PATJ: variants seen among roughly 807,000 people sequenced by gnomAD.
PATJ encodes the protein inaD-like protein.
Under a neutral mutation model 224.9 loss-of-function variants are expected in PATJ, and 190 were observed. That is an observed-to-expected ratio of 0.84 (90% CI 0.75 to 0.95). PATJ has a LOEUF of 0.95. PATJ is among the 40% of genes least tolerant of loss of function. The pLI, the probability that PATJ is intolerant of heterozygous loss-of-function variation, is 0.00. For synonymous variants in PATJ, 769 were observed against 820.3 expected, an observed-to-expected ratio of 0.94 and a Z score of 1.07; for missense variants, 2,121 against 2,270.3, an observed-to-expected ratio of 0.93 and a Z score of 1.34.
chr1:61,838,521 A>ATTTT (rs34877280), intron 17 of PATJ, among the ~76,000 whole-genome samples: 2 of 115,554 alleles, frequency 1.7e-5, no homozygotes, highest in Non-Finnish European at 3.5e-5. Flanking sequence ...CGCCTGGCTA[A>ATTTT]TTTTTTTTTT....
At chr1:61,852,244 A>C (rs1485598965) in intron 17 of PATJ, among the ~76,000 whole-genome samples, 1 of 152,188 alleles carries the variant, frequency 6.6e-6, no homozygotes, top group East Asian at 1.9e-4. Flanking sequence ...AAAGAGGAAA[A>C]AAATTCCTTC....
chr1:62,042,657 TAA>T (rs1255921260), intron 30 of PATJ, among the ~76,000 whole-genome samples: 1 of 152,120 alleles, frequency 6.6e-6, no homozygotes, highest in Admixed American at 6.5e-5. Context: ...GCTATTTTTT[TAA>T]AAAAAAAGAC....
At chr1:61,781,602 G>A (rs1424455547) in intron 7 of PATJ, among the ~76,000 whole-genome samples, 2 of 152,210 alleles carry the variant, frequency 1.3e-5, no homozygotes, top group African/African-American at 4.8e-5. Flanking sequence ...AAAGGAAAGA[G>A]CATAGGATTA....
At chr1:61,995,217 A>C (rs1440434759) in intron 28 of PATJ, among the ~76,000 whole-genome samples, 1 of 152,192 alleles carries the variant, frequency 6.6e-6, no homozygotes, top group Non-Finnish European at 1.5e-5. Context: ...CTGAGAGCAA[A>C]TCATGAGTGG....
intron 42 of PATJ, among the ~76,000 whole-genome samples, chr1:62,151,359 C>T (rs986937536): frequency 1.3e-5 from 2 of 151,774 alleles, no homozygotes; most frequent in Admixed American, 6.6e-5. Context: ...GAGGCTGAGG[C>T]GGGCAGATCA....
chr1:62,159,241 G>A (rs890698389), intron 43 of PATJ, among the ~76,000 whole-genome samples: 1 of 152,160 alleles, frequency 6.6e-6, no homozygotes, highest in Non-Finnish European at 1.5e-5. Context: ...TGCCCAGGCT[G>A]AGTGCAATGG....
intron 27 of PATJ, among the ~76,000 whole-genome samples, chr1:61,976,095 C>T (rs1289194110): frequency 2.0e-5 from 3 of 152,008 alleles, no homozygotes; most frequent in Non-Finnish European, 4.4e-5. Flanking sequence ...TCCTAAGGCT[C>T]AGCTCTGGGG....
At chr1:62,115,554 T>G (rs1664363889) in intron 35 of PATJ, among the ~76,000 whole-genome samples, 1 of 150,480 alleles carries the variant, frequency 6.6e-6, no homozygotes, top group African/African-American at 2.4e-5. Flanking sequence ...TCTCTTGCAG[T>G]GAATTGGAAA....
chr1:62,002,884 G>C (rs58402439), intron 28 of PATJ, among the ~76,000 whole-genome samples: 5,549 of 152,252 alleles, frequency 0.036, 257 homozygotes, highest in African/African-American at 0.1. Flanking sequence ...AGAGAGAATT[G>C]AGGTGGGGTT....
At chr1:61,902,647 A>G (rs1671341969) in intron 24 of PATJ, among the ~76,000 whole-genome samples, 1 of 152,226 alleles carries the variant, frequency 6.6e-6, no homozygotes, top group Non-Finnish European at 1.5e-5. Context: ...ATTTTCAAAT[A>G]TACTACTTAT....
In PATJ at chr1:61,897,497, A is replaced by C. The variant is rs369481093; in HGVS notation, c.3132-2086A>C. 1.5e-4 allele frequency among the ~76,000 whole-genome samples: 23 copies of C among 152,302 alleles called. No homozygotes were observed. The South Asian group carries it at 2.5e-3, about 16-fold the overall frequency. On this transcript the variant is annotated intron_variant, in intron 22 of 43. Transcript: ENST00000642238. ...TCGTCCTTTCTGCTCTGCTGCCATT[A>C]ATGTATGGCCTTACTCCTCGTTGTT...
chr1:62,022,649 C>T (rs1199221045), intron 29 of PATJ, among the ~76,000 whole-genome samples: 4 of 152,176 alleles, frequency 2.6e-5, no homozygotes, highest in Non-Finnish European at 5.9e-5. Context: ...CCCCCACTAT[C>T]AAAAATTGAA....
At position 61,875,359 on chromosome 1, in the gene PATJ, G is replaced by A. The variant is rs1667212816; in HGVS notation, c.2952G>A (p.Leu984=). Residue 984 remains leucine (L), a synonymous_variant, in exon 21 of 44, where the codon CTG becomes CTA. Transcript: ENST00000642238. ...TTAATTCATTAGCAAAAACTAGTCTGGATTTAGGTTTGTGACTTTTGTTTC... is the reference window on the plus strand; with the variant it reads ...TTAATTCATTAGCAAAAACTAGTCTAGATTTAGGTTTGTGACTTTTGTTTC... The part of the protein sequence containing the change: ...ENLNSLAKTS[L]DLGMIPNDVQ... 1 of 1,599,816 alleles carries A rather than the reference G, an allele frequency of 6.3e-7. No homozygotes were observed. The highest frequency in any genetic ancestry group is 1.4e-5 in the African/African-American group (1 of 74,044).
At chr1:61,921,139 C>T (rs1221381948) in intron 26 of PATJ, among the ~76,000 whole-genome samples, 1 of 152,138 alleles carries the variant, frequency 6.6e-6, no homozygotes, top group Non-Finnish European at 1.5e-5. Context: ...TTATCTACTA[C>T]AGATTTCACC....
Position 62,034,873 on chromosome 1 carries a change from C to A in PATJ, c.3960-3104C>A, listed in dbSNP as rs1165661770. On this transcript the variant is annotated intron_variant, in intron 29 of 43. Transcript: ENST00000642238. ...TTGGCCAATTTGAGCTAACTTGGTT[C>A]AGTTCATCACGATCTCTCAATAAGA... Among the ~76,000 whole-genome samples the A allele has an allele frequency of 2.6e-5, 4 of 152,178 alleles. No homozygotes were observed. The East Asian group carries it at 7.7e-4, about 29-fold the overall frequency.
At chr1:61,926,047 C>A (rs1191392413) in intron 26 of PATJ, among the ~76,000 whole-genome samples, 1 of 152,206 alleles carries the variant, frequency 6.6e-6, no homozygotes, top group Admixed American at 6.5e-5. Flanking sequence ...CGTCAGGGAA[C>A]CCAAACAGCA....
chr1:62,053,711 T>A (rs1654055252), intron 31 of PATJ, among the ~76,000 whole-genome samples: 1 of 135,124 alleles, frequency 7.4e-6, no homozygotes, highest in Non-Finnish European at 1.7e-5. Context: ...AAGAGCGAAA[T>A]TCCGTCTAAA....
chr1:62,043,144 C>T (rs1224976460), intron 30 of PATJ, among the ~76,000 whole-genome samples: 2 of 152,170 alleles, frequency 1.3e-5, no homozygotes, highest in African/African-American at 4.8e-5. Context: ...GGCAGTTAAC[C>T]TCCCAAAGTC....
intron 22 of PATJ, among the ~76,000 whole-genome samples, chr1:61,890,324 A>T (rs1382547849): frequency 6.6e-6 from 1 of 152,142 alleles, no homozygotes; most frequent in African/African-American, 2.4e-5. Context: ...ACAAAAAAAT[A>T]AAAAGTAAGC....
Sources: allele counts gnomAD v4.1 joint callset (sites outside exome capture counted in the v4.1 genomes callset), GRCh38; gene constraint gnomAD v4.1.1; transcripts MANE v1.5; gene names NCBI Gene and HGNC (gene_info 2026-07-23, HGNC 2026-07-21).